Variants in TENT2 observed in about 807,000 individuals in gnomAD.
TENT2 encodes terminal nucleotidyltransferase 2.
TENT2 carries 44 observed loss-of-function variants against 72.2 expected under a neutral mutation model. The observed-to-expected ratio is 0.61, with a 90% CI of 0.48 to 0.78. TENT2 has a LOEUF of 0.78. Ranked by LOEUF, TENT2 falls within the 30% of genes least tolerant of loss-of-function variation. TENT2 has a pLI of 0.00. For synonymous variants in TENT2, 212 were observed against 192.5 expected (o/e 1.10, Z -0.84); for missense variants, 541 against 569.6 (o/e 0.95, Z 0.51).
intron 4 of TENT2, among the ~76,000 whole-genome samples, chr5:79,624,850 A>G (rs1290746699): frequency 1.3e-5 from 2 of 152,170 alleles, no homozygotes; most frequent in Non-Finnish European, 2.9e-5. Context: ...TCTGTTATGA[A>G]TAGTGCAGCT....
chr5:79,638,918 T>C lies in TENT2; in HGVS notation c.466-1933T>C, dbSNP rs956222525. 8.1e-4 allele frequency among the ~76,000 whole-genome samples: 124 copies of C among 152,356 alleles called. 1 individual carries two copies. The highest frequency in any genetic ancestry group is 3.0e-3 in the African/African-American group (123 of 41,580). On this transcript the variant is annotated intron_variant, in intron 4 of 14. Transcript: ENST00000453514. Reference sequence around the variant, plus strand: ...CCAAATTGCCCAGAATGCCTCTGCCTTCTTAAAATGAGGATTCTAAATATG... The same window carrying C: ...CCAAATTGCCCAGAATGCCTCTGCCCTCTTAAAATGAGGATTCTAAATATG...
chr5:79,633,437 T>G (rs1021878996), intron 4 of TENT2, among the ~76,000 whole-genome samples: 9 of 144,314 alleles, frequency 6.2e-5, no homozygotes, highest in Middle Eastern at 3.5e-3. Context: ...AAAAAGTTTT[T>G]TTTTTTTTTT....
intron 11 of TENT2, among the ~76,000 whole-genome samples, chr5:79,658,975 A>C (rs1194452061): frequency 6.6e-6 from 1 of 152,148 alleles, no homozygotes; most frequent in Non-Finnish European, 1.5e-5. Flanking sequence ...GGGGAAATAG[A>C]TTTAGCCCCA....
intron 4 of TENT2, among the ~76,000 whole-genome samples, chr5:79,632,413 T>A (rs1725147582): frequency 6.6e-6 from 1 of 152,214 alleles, no homozygotes; most frequent in Non-Finnish European, 1.5e-5. Flanking sequence ...CTTTTGTTTT[T>A]ACTCTAGGTT....
At chr5:79,619,917 A>AT in intron 2 of TENT2, 77 bp from the exon 3 acceptor site, 15 of 1,451,818 alleles carry the variant, frequency 1.0e-5, no homozygotes, top group African/African-American at 1.4e-5. Context: ...GATGTATTTA[A>AT]TTTTTTTTCA....
intron 11 of TENT2, 173 bp from the exon 12 acceptor site, chr5:79,668,719 A>G (rs1253182522): frequency 9.9e-6 from 6 of 608,024 alleles, no homozygotes; most frequent in Non-Finnish European, 1.7e-5. Context: ...ATTCTGGTCT[A>G]CTGCAAATAC....
At chr5:79,642,728 G>T in intron 6 of TENT2, 104 bp from the exon 7 acceptor site, 1 of 859,928 alleles carries the variant, frequency 1.2e-6, no homozygotes, top group Non-Finnish European at 1.8e-6. Context: ...TAACTCCAAA[G>T]GAAAGTATAT....
At chr5:79,621,779 A>AGC (rs1765167635) in intron 3 of TENT2, among the ~76,000 whole-genome samples, 1 of 149,598 alleles carries the variant, frequency 6.7e-6, no homozygotes, top group Admixed American at 6.7e-5. Context: ...AAAACAAAAA[A>AGC]AACAAAACTC....
chr5:79,667,826 C>G (rs902093389), intron 11 of TENT2, among the ~76,000 whole-genome samples: 1 of 151,536 alleles, frequency 6.6e-6, no homozygotes, highest in Non-Finnish European at 1.5e-5. Flanking sequence ...CATTTTTTAA[C>G]TTGGCATTAT....
chr5:79,638,874 T>C (rs1782262937), intron 4 of TENT2, among the ~76,000 whole-genome samples: 1 of 152,202 alleles, frequency 6.6e-6, no homozygotes, highest in African/African-American at 2.4e-5. Flanking sequence ...TTTAAAAAAA[T>C]GTTATGCTTC....
intron 11 of TENT2, 30 bp downstream of exon 11, chr5:79,657,031 C>G: frequency 7.1e-7 from 1 of 1,414,194 alleles, no homozygotes; most frequent in East Asian, 2.3e-5. Context: ...TATTATAATA[C>G]ATTTTATGTC....
intron 11 of TENT2, among the ~76,000 whole-genome samples, chr5:79,668,170 G>T (rs1211514684): frequency 1.3e-5 from 2 of 152,028 alleles, no homozygotes; most frequent in Admixed American, 6.6e-5. Flanking sequence ...AACAGAATAA[G>T]TACCCGTTAG....
intron 4 of TENT2, among the ~76,000 whole-genome samples, chr5:79,633,121 G>A (rs9942409): frequency 0.11 from 16,782 of 152,162 alleles, 1,051 homozygotes; most frequent in East Asian, 0.29. Context: ...TTAATTTGAT[G>A]GGAAAGGGAA....
intron 11 of TENT2, among the ~76,000 whole-genome samples, chr5:79,667,410 C>T (rs1809150152): frequency 6.6e-6 from 1 of 151,996 alleles, no homozygotes; most frequent in African/African-American, 2.4e-5. Flanking sequence ...CAATTTTATA[C>T]CTAACAAGTA....
chr5:79,641,809 ATT>A (rs59045852), intron 6 of TENT2, among the ~76,000 whole-genome samples: 1 of 147,198 alleles, frequency 6.8e-6, no homozygotes. Context: ...TGGATTGTAG[ATT>A]TTTTTTTTTG....
chr5:79,635,590 T>C (rs1779456051), intron 4 of TENT2, among the ~76,000 whole-genome samples: 1 of 152,214 alleles, frequency 6.6e-6, no homozygotes, highest in Non-Finnish European at 1.5e-5. Context: ...AGTCTTGCTC[T>C]GTTGCCCAGG....
rs1337173953 is a variant in TENT2, at chr5:79,623,293, G to A, written c.269G>A (p.Arg90Gln). ...AAAAACCTTCCTCTTGACGGTAAAC[G>A]GCAACGTTTCCATTCACCCCACCAA... ...DEKNLPLDGK[R>Q]QRFHSPHQEP... Residue 90 changes from arginine to glutamine, a missense_variant, in exon 4 of 15, where the codon CGG (arginine) becomes CAG (glutamine). Physicochemically the swap from Arg to Gln is conservative, Grantham distance 43 (BLOSUM62 1). Coordinates refer to ENST00000453514, the MANE Select transcript of TENT2 (RefSeq NM_001114394.3). 6.2e-7 allele frequency: 1 copy of A among 1,611,754 alleles called. No individual in the cohort carries two copies. The highest frequency in any genetic ancestry group is 8.5e-7 in the Non-Finnish European group (1 of 1,178,936).
chr5:79,682,151 T>A, intron 14 of TENT2, 90 bp downstream of exon 14: 1 of 812,048 alleles, frequency 1.2e-6, no homozygotes, highest in Non-Finnish European at 1.9e-6. Flanking sequence ...GACAGAATGG[T>A]TTCTCTTCTG....
chr5:79,630,458 A>G (rs1242433618), intron 4 of TENT2, among the ~76,000 whole-genome samples: 1 of 151,932 alleles, frequency 6.6e-6, no homozygotes, highest in Non-Finnish European at 1.5e-5. Context: ...GGTGCCTGTA[A>G]TCCCAGCTAC....
Sources: allele counts gnomAD v4.1 joint callset (sites outside exome capture counted in the v4.1 genomes callset), GRCh38; gene constraint gnomAD v4.1.1; transcripts MANE v1.5; gene names NCBI Gene and HGNC (gene_info 2026-07-23, HGNC 2026-07-21).